MRPL1: variants seen among roughly 807,000 people sequenced by gnomAD.
The protein encoded by MRPL1 is mitochondrial ribosomal protein L1.
Under a neutral mutation model 38.0 loss-of-function variants are expected in MRPL1, and 28 were observed. The observed-to-expected ratio is 0.74, with a 90% CI of 0.55 to 1.01. The LOEUF is 1.01. Among genes scored for constraint, MRPL1 ranks in the 50% least tolerant of loss-of-function variants. MRPL1 has a pLI of 0.00. For missense variants in MRPL1, 358 were observed against 389.8 expected (o/e 0.92, Z 0.69); for synonymous variants, 123 against 126.7 (o/e 0.97, Z 0.20).
At chr4:77,952,355 CTT>C (rs1378495171) in intron 8 of MRPL1, 132 bp from the exon 9 acceptor site, 2 of 693,274 alleles carry the variant, frequency 2.9e-6, no homozygotes, top group African/African-American at 3.6e-5. Context: ...CAATTGGTTT[CTT>C]TATAAGTTGT....
chr4:77,875,809 CCTTT>C (rs1323016939), intron 2 of MRPL1, among the ~76,000 whole-genome samples: 1 of 152,046 alleles, frequency 6.6e-6, no homozygotes, highest in East Asian at 1.9e-4. Context: ...AAGGAGGCTT[CCTTT>C]GAGTGTGAAT....
intron 5 of MRPL1, among the ~76,000 whole-genome samples, chr4:77,887,755 G>A (rs1210154151): frequency 6.6e-6 from 1 of 152,120 alleles, no homozygotes; most frequent in East Asian, 1.9e-4. Context: ...TTGGCATCAA[G>A]CAATCCTCCT....
At chr4:77,878,668 T>C (rs893315091) in intron 2 of MRPL1, among the ~76,000 whole-genome samples, 9 of 152,054 alleles carry the variant, frequency 5.9e-5, no homozygotes, top group South Asian at 2.1e-4. Flanking sequence ...TCACAAGGTC[T>C]GGAGTTCGAG....
intron 7 of MRPL1, among the ~76,000 whole-genome samples, chr4:77,944,439 A>C (rs934192648): frequency 6.6e-6 from 1 of 152,028 alleles, no homozygotes; most frequent in African/African-American, 2.4e-5. Flanking sequence ...CTTAGATACT[A>C]CCTTTTTTCG....
In MRPL1 at chr4:77,927,247, A is replaced by G. The variant is rs72869599; in HGVS notation, c.777+17875A>G. ...TCTAATAAAAAATATTGCCTGGTAGATGTTGCCTGAATTAATGCTATATAA... is the reference window on the plus strand; with the variant it reads ...TCTAATAAAAAATATTGCCTGGTAGGTGTTGCCTGAATTAATGCTATATAA... On this transcript the variant is annotated intron_variant, in intron 7 of 8. Transcript: ENST00000315567. Among the ~76,000 whole-genome samples, 91 of 152,292 alleles carry G rather than the reference A, an allele frequency of 6.0e-4. 1 individual carries two copies. Among genetic ancestry groups the G allele is most frequent in the African/African-American group, 2.1e-3 (86 of 41,568 alleles).
Position 77,866,049 on chromosome 4 carries a change from AC to A in MRPL1, c.31+3171del, listed in dbSNP as rs1735134543. 3.9e-5 allele frequency among the ~76,000 whole-genome samples: 6 copies of A among 152,150 alleles called. No homozygotes were observed. In the South Asian group the frequency reaches 1.2e-3, roughly 31 times the overall value. ...TTTTGAGGGCTTAGCATAAAAAAAA[AC>A]ATGTAAAATACTTTTTTCTGAGATG... On this transcript the variant is annotated intron_variant, in intron 1 of 8. Coordinates refer to ENST00000315567, the MANE Select transcript of MRPL1 (RefSeq NM_020236.4).
chr4:77,921,153 TTTAATAACTCTCTG>T (rs1301971355), intron 7 of MRPL1, among the ~76,000 whole-genome samples: 1 of 152,226 alleles, frequency 6.6e-6, no homozygotes, highest in Non-Finnish European at 1.5e-5. Flanking sequence ...TGGCATCTCC[TTTAATAACTCTCTG>T]TCCCTTTATT....
intron 7 of MRPL1, among the ~76,000 whole-genome samples, chr4:77,941,218 T>C (rs572224854): frequency 1.3e-5 from 2 of 150,484 alleles, no homozygotes; most frequent in South Asian, 4.2e-4. Context: ...TGATCCAGGA[T>C]CACGCAATTG....
At chr4:77,870,999 C>G (rs961682683) in intron 1 of MRPL1, among the ~76,000 whole-genome samples, 1 of 151,956 alleles carries the variant, frequency 6.6e-6, no homozygotes, top group Non-Finnish European at 1.5e-5. Flanking sequence ...TAAAAATGAA[C>G]AAATAAATTA....
chr4:77,886,881 C>G (rs546560095), intron 4 of MRPL1, among the ~76,000 whole-genome samples: 8 of 151,052 alleles, frequency 5.3e-5, no homozygotes, highest in Admixed American at 1.3e-4. Flanking sequence ...CATCCTCCCC[C>G]TCCTGGGTTC....
intron 6 of MRPL1, chr4:77,907,064 A>G (rs1736175112): frequency 6.1e-6 from 6 of 985,266 alleles, no homozygotes; most frequent in East Asian, 1.1e-4. Context: ...CGTGCTCTCT[A>G]TGTAATGAGT....
At position 77,866,278 on chromosome 4, in the gene MRPL1, C is replaced by T. The variant is rs545716116; in HGVS notation, c.31+3399C>T. The stretch of plus-strand genomic sequence containing the variant: ...TGTTGACCAGGTTGGTCTTGAACTC[C>T]TGACCTCAGGTGATCCACCCGCCTC... On this transcript the variant is annotated intron_variant, in intron 1 of 8. Coordinates refer to ENST00000315567, the MANE Select transcript of MRPL1 (RefSeq NM_020236.4). 7.9e-5 allele frequency among the ~76,000 whole-genome samples: 12 copies of T among 152,330 alleles called. 1 individual carries two copies. Among genetic ancestry groups the T allele is most frequent in the Admixed American group, 7.8e-4 (12 of 15,302 alleles).
intron 4 of MRPL1, among the ~76,000 whole-genome samples, chr4:77,886,191 C>G (rs550979530): frequency 2.9e-4 from 44 of 152,108 alleles, no homozygotes; most frequent in Non-Finnish European, 4.0e-4. Flanking sequence ...TTTTTTGAGA[C>G]AGGGTCTTGG....
At chr4:77,864,061 C>T (rs1735071695) in intron 1 of MRPL1, among the ~76,000 whole-genome samples, 1 of 142,282 alleles carries the variant, frequency 7.0e-6, no homozygotes, top group Non-Finnish European at 1.5e-5. Flanking sequence ...AGTTATTGCT[C>T]AAAAATTAGG....
At chr4:77,870,897 G>A (rs1389269129) in intron 1 of MRPL1, among the ~76,000 whole-genome samples, 1 of 152,058 alleles carries the variant, frequency 6.6e-6, no homozygotes, top group Non-Finnish European at 1.5e-5. Context: ...AAAGACCTGT[G>A]TACCTTTTTC....
intron 4 of MRPL1, 69 bp downstream of exon 4, chr4:77,885,408 C>T: frequency 7.8e-7 from 1 of 1,286,742 alleles, no homozygotes; most frequent in South Asian, 1.2e-5. Context: ...CACTCTGTCA[C>T]CAGTCTGGAG....
intron 7 of MRPL1, among the ~76,000 whole-genome samples, chr4:77,915,957 G>A (rs1197636536): frequency 6.6e-6 from 1 of 152,152 alleles, no homozygotes; most frequent in Non-Finnish European, 1.5e-5. Flanking sequence ...TGGGATAAAA[G>A]CAAGCTGCCA....
chr4:77,863,372 C>A (rs556910427), intron 1 of MRPL1, among the ~76,000 whole-genome samples: 192 of 151,770 alleles, frequency 1.3e-3, no homozygotes, highest in Non-Finnish European at 2.3e-3. Context: ...TTTGAGGGGG[C>A]TAATTCTGTA....
intron 8 of MRPL1, among the ~76,000 whole-genome samples, chr4:77,951,042 G>C (rs1279488310): frequency 6.6e-6 from 1 of 152,110 alleles, no homozygotes; most frequent in Admixed American, 6.5e-5. Context: ...GCTAATTTTT[G>C]TATTTTTAGT....
Sources: gnomAD v4.1 joint callset for allele counts (sites outside exome capture counted in the v4.1 genomes callset) on GRCh38, gnomAD v4.1.1 for gene constraint, MANE v1.5 for transcripts, NCBI Gene and HGNC (gene_info 2026-07-23, HGNC 2026-07-21) for gene names.